The following VASP variants were observed in gnomAD, a reference collection of about 807,000 sequenced individuals.
VASP encodes the protein vasodilator stimulated phosphoprotein.
Under a neutral mutation model 54.4 loss-of-function variants are expected in VASP, and 27 were observed. The observed-to-expected ratio is 0.50, with a 90% CI of 0.37 to 0.68. The LOEUF is 0.68. VASP is among the 30% of genes least tolerant of loss of function. VASP has a pLI of 0.00. For synonymous variants in VASP, 233 were observed against 209.8 expected (o/e 1.11, Z -0.96); for missense variants, 488 against 528.3 (o/e 0.92, Z 0.75).
At position 45,522,164 on chromosome 19, in the gene VASP, A is replaced by G; in HGVS notation, c.429-4A>G. The G allele has an allele frequency of 2.5e-6, 4 of 1,613,580 alleles. No individual in the cohort carries two copies. Among genetic ancestry groups the G allele is most frequent in the Non-Finnish European group, 3.4e-6 (4 of 1,179,950 alleles). On this transcript the variant is annotated splice_region_variant and splice_polypyrimidine_tract_variant and intron_variant, in intron 4 of 12. Coordinates refer to ENST00000245932, the MANE Select transcript of VASP (RefSeq NM_003370.4). The stretch of plus-strand genomic sequence containing the variant: ...GACGGCAGCTCTCTCGCCTCCCCCC[A>G]CAGGCAGCAGCCCGGCCCGTCGGAG...
At chr19:45,519,793 C>G (rs1968789158) in intron 3 of VASP, among the ~76,000 whole-genome samples, 1 of 149,530 alleles carries the variant, frequency 6.7e-6, no homozygotes, top group African/African-American at 2.5e-5. Flanking sequence ...GACGGGATTT[C>G]ACCGTGTTAG....
chr19:45,510,426 G>A (rs773291534), intron 1 of VASP, among the ~76,000 whole-genome samples: 2 of 151,940 alleles, frequency 1.3e-5, no homozygotes, highest in Non-Finnish European at 2.9e-5. Context: ...GGGTTTCACC[G>A]TGATGGCCAG....
At chr19:45,515,244 G>A (rs924318009) in intron 1 of VASP, among the ~76,000 whole-genome samples, 33 of 152,192 alleles carry the variant, frequency 2.2e-4, no homozygotes, top group Admixed American at 9.8e-4. Flanking sequence ...TTCTGTCCCC[G>A]GAAACCTCTG....
intron 4 of VASP, among the ~76,000 whole-genome samples, chr19:45,521,965 T>A (rs1207873849): frequency 2.6e-5 from 4 of 151,920 alleles, no homozygotes; most frequent in East Asian, 1.9e-4. Context: ...CGCATCCTGA[T>A]CTCTCCCTGT....
rs749939566 is a variant in VASP at position 45,522,592 on chromosome 19, G to A, written c.720+11G>A. ...AGGAAAGTCAGCAAGGTGAGGGGCCGGGAGAGGTGGGCAGGGGGCAACAGG... is the reference window on the plus strand; with the variant it reads ...AGGAAAGTCAGCAAGGTGAGGGGCCAGGAGAGGTGGGCAGGGGGCAACAGG... On this transcript the variant is annotated intron_variant, in intron 6 of 12. Transcript: ENST00000245932. 19 of 1,482,278 alleles carry A rather than the reference G, an allele frequency of 1.3e-5. No homozygotes were observed. The highest frequency in any genetic ancestry group is 1.4e-5 in the African/African-American group (1 of 70,866). The allele number at this position is 1,482,278 out of a possible 1,614,324, so 91.8% of individuals were successfully genotyped here. A position where few individuals can be genotyped will look rare whatever the true frequency, so the allele number is the denominator to read the frequency against.
At chr19:45,512,752 A>G (rs1252691257) in intron 1 of VASP, among the ~76,000 whole-genome samples, 1 of 151,910 alleles carries the variant, frequency 6.6e-6, no homozygotes, top group Non-Finnish European at 1.5e-5. Flanking sequence ...GGCGCCCGCC[A>G]CCACGCCTGG....
intron 1 of VASP, among the ~76,000 whole-genome samples, chr19:45,512,526 G>C (rs962971916): frequency 6.6e-6 from 1 of 151,756 alleles, no homozygotes; most frequent in Non-Finnish European, 1.5e-5. Context: ...GACATCAAGA[G>C]GTCCGCCTGC....
intron 3 of VASP, among the ~76,000 whole-genome samples, chr19:45,519,953 G>A (rs961548976): frequency 7.3e-6 from 1 of 137,334 alleles, no homozygotes; most frequent in African/African-American, 2.8e-5. Flanking sequence ...CTCTCAGGCT[G>A]GAGTGCAGTG....
intron 1 of VASP, among the ~76,000 whole-genome samples, chr19:45,509,970 T>A (rs962206224): frequency 2.0e-5 from 3 of 152,078 alleles, no homozygotes; most frequent in Non-Finnish European, 4.4e-5. Flanking sequence ...TAGTTCTTTT[T>A]CTCCCAGTTT....
chr19:45,521,709 C>T (rs1200867043), intron 4 of VASP, among the ~76,000 whole-genome samples: 2 of 151,890 alleles, frequency 1.3e-5, no homozygotes, highest in Non-Finnish European at 2.9e-5. Flanking sequence ...GCCAACATGG[C>T]GAAATCCCGT....
chr19:45,524,076 T>C, intron 9 of VASP, 21 bp from the exon 10 acceptor site: 1 of 1,614,106 alleles, frequency 6.2e-7, no homozygotes, highest in Non-Finnish European at 8.5e-7. Flanking sequence ...CTGATCTTTC[T>C]GATTTCTTGC....
chr19:45,507,852 G>C lies in VASP; in HGVS notation c.5+76G>C. 1.2e-6 allele frequency: 1 copy of C among 823,368 alleles called. No individual in the cohort carries two copies. Among genetic ancestry groups the C allele is most frequent in the Non-Finnish European group, 1.6e-6 (1 of 615,074 alleles). The allele number at this position is 823,368 out of a possible 1,614,324, so 51.0% of individuals were successfully genotyped here. On this transcript the variant is annotated intron_variant, in intron 1 of 12. Coordinates refer to ENST00000245932, the MANE Select transcript of VASP (RefSeq NM_003370.4). This position sits in a 1 kb window ranked among gnomAD's most constrained non-coding sequence, Gnocchi z 4.4. ...CCCGCCTTTGTCCCCCTCCCCCCCA[G>C]CTAGCTCCGGGCTGGAATTTGGGGA... is the stretch of plus-strand genomic sequence containing the variant.
At chr19:45,520,889 G>A (rs950369251) in intron 3 of VASP, among the ~76,000 whole-genome samples, 27 of 152,296 alleles carry the variant, frequency 1.8e-4, no homozygotes, top group Admixed American at 1.4e-3. Flanking sequence ...TCTTGAACCC[G>A]GGAGGTGGAG....
intron 1 of VASP, among the ~76,000 whole-genome samples, chr19:45,515,800 C>T (rs377219861): frequency 6.6e-6 from 1 of 152,118 alleles, no homozygotes; most frequent in East Asian, 1.9e-4. Context: ...AGCTTCCCAA[C>T]ATGCTGTAAT....
chr19:45,516,797 G>A (rs1599932404), intron 1 of VASP, among the ~76,000 whole-genome samples: 1 of 151,800 alleles, frequency 6.6e-6, no homozygotes, highest in Non-Finnish European at 1.5e-5. Flanking sequence ...CCAGGAGTTC[G>A]AGACCAGTCT....
At chr19:45,525,025 A>G (rs1968928938) in intron 11 of VASP, 1 of 228,762 alleles carries the variant, frequency 4.4e-6, no homozygotes, top group African/African-American at 2.3e-5. Context: ...CTCCCCTAGA[A>G]TCCTCCAGTC....
rs1008270992 is a variant in VASP, at chr19:45,509,432, G to A, written c.5+1656G>A. Reference sequence around the variant, plus strand: ...CCGGTCCCAGGCTCGGTGGAAGGCGGATGGCGGATGTCCGAGTTAGTGCTG... The same window carrying A: ...CCGGTCCCAGGCTCGGTGGAAGGCGAATGGCGGATGTCCGAGTTAGTGCTG... On this transcript the variant is annotated intron_variant, in intron 1 of 12. Transcript: ENST00000245932. Among the ~76,000 whole-genome samples the A allele has an allele frequency of 6.6e-5, 10 of 152,186 alleles. No individual in the cohort carries two copies. In the South Asian group the frequency reaches 1.5e-3, roughly 22 times the overall value.
chr19:45,524,469 A>G (rs1968916017), intron 10 of VASP, 101 bp from the exon 11 acceptor site: 1 of 1,254,212 alleles, frequency 8.0e-7, no homozygotes, highest in East Asian at 2.3e-5. Flanking sequence ...GACTTGCCCA[A>G]TTTATAAGGC....
At position 45,522,792 on chromosome 19, in the gene VASP, A is replaced by G. The variant is rs774386086; in HGVS notation, c.795A>G (p.Glu265=). 3 of 1,603,738 alleles carry G rather than the reference A, an allele frequency of 1.9e-6. No homozygotes were observed. Among genetic ancestry groups the G allele is most frequent in the African/African-American group, 1.4e-5 (1 of 73,914 alleles). The change falls in exon 7 of 13, where the codon GAA becomes GAG. Residue 265 remains glutamate, a synonymous_variant. Transcript: ENST00000245932. ...GAAGCGGAGGTGGGGGACTCATGGA[A>G]GAGATGAACGCCATGCTGGCCCGGA... The part of the protein sequence containing the change: ...SGRSGGGGLM[E]EMNAMLARRR...
Sources: allele counts gnomAD v4.1 joint callset (sites outside exome capture counted in the v4.1 genomes callset), GRCh38; gene constraint gnomAD v4.1.1; non-coding constraint Gnocchi (gnomAD v3.1); transcripts MANE v1.5; gene names NCBI Gene and HGNC (gene_info 2026-07-23, HGNC 2026-07-21).